The following MCTP2 variants were observed in gnomAD, a reference collection of about 807,000 sequenced individuals.
MCTP2 encodes multiple C2 and transmembrane domain-containing protein 2.
MCTP2 carries 132 observed loss-of-function variants against 111.6 expected under a neutral mutation model. The observed-to-expected ratio is 1.18, with a 90% CI of 1.03 to 1.37. MCTP2 has a LOEUF of 1.37. Among genes scored for constraint, MCTP2 ranks in the 40% most tolerant of loss-of-function variants. The pLI is 0.00. For synonymous variants in MCTP2, 395 were observed against 387.7 expected (o/e 1.02, Z -0.22); for missense variants, 1,183 against 1,067.9 (o/e 1.11, Z -1.50).
At chr15:94,365,893 C>G (rs897233728) in intron 10 of MCTP2, among the ~76,000 whole-genome samples, 5 of 152,128 alleles carry the variant, frequency 3.3e-5, no homozygotes, top group African/African-American at 1.2e-4. Flanking sequence ...GAGAAAACTT[C>G]TACAAATTTG....
chr15:94,437,040 A>G (rs896728557), intron 17 of MCTP2, among the ~76,000 whole-genome samples: 1 of 151,712 alleles, frequency 6.6e-6, no homozygotes, highest in Non-Finnish European at 1.5e-5. Flanking sequence ...ATTTGACATT[A>G]TAAAACTTTA....
chr15:94,242,152 C>A (rs1421136626), intron 1 of MCTP2, among the ~76,000 whole-genome samples: 1 of 152,096 alleles, frequency 6.6e-6, no homozygotes, highest in Non-Finnish European at 1.5e-5. Context: ...TATGCTATGG[C>A]TCCCTCAAAC....
intron 7 of MCTP2, chr15:94,341,319 A>T (rs1333795155): frequency 5.9e-6 from 1 of 168,178 alleles, no homozygotes; most frequent in African/African-American, 2.4e-5. Flanking sequence ...TGTCTGTAAC[A>T]TCAGTGAAGC....
chr15:94,377,343 C>G (rs2079833647), intron 12 of MCTP2, among the ~76,000 whole-genome samples: 1 of 152,174 alleles, frequency 6.6e-6, no homozygotes, highest in African/African-American at 2.4e-5. Context: ...TCATGGATAG[C>G]TAAGCCCAAA....
At chr15:94,471,830 T>C (rs2073958074) in intron 21 of MCTP2, among the ~76,000 whole-genome samples, 1 of 152,224 alleles carries the variant, frequency 6.6e-6, no homozygotes, top group South Asian at 2.1e-4. Flanking sequence ...CTGGTTATCT[T>C]ATTTTTCAAT....
At chr15:94,391,051 G>T (rs67648374) in intron 14 of MCTP2, among the ~76,000 whole-genome samples, 23,576 of 151,846 alleles carry the variant, frequency 0.16, 2,258 homozygotes, top group African/African-American at 0.25. Flanking sequence ...TTTTGAATCA[G>T]ATGTGAGTCC....
chr15:94,380,473 C>T (rs1298336224), intron 12 of MCTP2, among the ~76,000 whole-genome samples: 1 of 152,004 alleles, frequency 6.6e-6, no homozygotes, highest in Admixed American at 6.6e-5. Flanking sequence ...GCTTAATAAA[C>T]GGTTATCAAA....
At chr15:94,433,588 A>T (rs1004176693) in intron 17 of MCTP2, among the ~76,000 whole-genome samples, 1 of 152,190 alleles carries the variant, frequency 6.6e-6, no homozygotes, top group African/African-American at 2.4e-5. Flanking sequence ...ACATTTGTGG[A>T]CAAGACTTTT....
intron 10 of MCTP2, among the ~76,000 whole-genome samples, chr15:94,361,782 T>A (rs74030838): frequency 0.012 from 1,839 of 152,262 alleles, 46 homozygotes; most frequent in African/African-American, 0.042. Context: ...AGGAGGGGCA[T>A]CCATTGATGG....
chr15:94,418,664 G>A (rs2082483151), intron 17 of MCTP2, among the ~76,000 whole-genome samples: 1 of 151,970 alleles, frequency 6.6e-6, no homozygotes. Context: ...GATTTTTATT[G>A]GGGCATAGGT....
intron 1 of MCTP2, among the ~76,000 whole-genome samples, chr15:94,284,130 A>G (rs2074634798): frequency 6.6e-6 from 1 of 152,160 alleles, no homozygotes; most frequent in African/African-American, 2.4e-5. Context: ...ACAAACCAAT[A>G]ATTCTACTCT....
intron 3 of MCTP2, 114 bp from the exon 4 acceptor site, chr15:94,315,415 A>T: frequency 1.5e-6 from 1 of 674,126 alleles, no homozygotes; most frequent in South Asian, 1.9e-5. Context: ...TGGGGATGAC[A>T]GTCGATCATC....
intron 17 of MCTP2, among the ~76,000 whole-genome samples, chr15:94,430,301 C>G (rs1239659138): frequency 6.6e-6 from 1 of 151,856 alleles, no homozygotes; most frequent in East Asian, 1.9e-4. Context: ...TTTTTCACTT[C>G]TCTTTCCAAT....
intron 14 of MCTP2, among the ~76,000 whole-genome samples, chr15:94,388,262 C>A (rs1332980733): frequency 6.6e-6 from 1 of 152,176 alleles, no homozygotes; most frequent in Non-Finnish European, 1.5e-5. Context: ...CTGGGCCATT[C>A]CTTTCAGGGA....
chr15:94,239,550 G>A (rs777701166), intron 1 of MCTP2, among the ~76,000 whole-genome samples: 12 of 152,152 alleles, frequency 7.9e-5, no homozygotes, highest in Non-Finnish European at 1.3e-4. Flanking sequence ...ACTTACATGA[G>A]CTCCCTCCCC....
At chr15:94,419,662 C>T (rs1291994855) in intron 17 of MCTP2, among the ~76,000 whole-genome samples, 1 of 152,084 alleles carries the variant, frequency 6.6e-6, no homozygotes, top group Non-Finnish European at 1.5e-5. Flanking sequence ...AATAGCCTTT[C>T]ATAGTTGCCC....
rs1158528973 is a variant in MCTP2, at chr15:94,458,014, G to A, written c.2251-123G>A. ...GTCAATATTTAAGTTGTAAAACAAT[G>A]ATTTATCTCTTGTGTCACTCTATTG... On this transcript the variant is annotated intron_variant, in intron 19 of 22. Coordinates refer to ENST00000357742, the MANE Select transcript of MCTP2 (RefSeq NM_001385001.1). 5 of 606,784 alleles carry A rather than the reference G, an allele frequency of 8.2e-6. No homozygotes were observed. In the East Asian group the frequency reaches 1.1e-4, roughly 14 times the overall value. The allele number at this position is 606,784 out of a possible 1,614,324, so 37.6% of individuals were successfully genotyped here. A position where few individuals can be genotyped will look rare whatever the true frequency, so the allele number is the denominator to read the frequency against.
At chr15:94,408,898 C>T (rs113871172) in intron 17 of MCTP2, among the ~76,000 whole-genome samples, 9 of 151,520 alleles carry the variant, frequency 5.9e-5, no homozygotes, top group Non-Finnish European at 2.9e-5. Context: ...TGTGTAGGTC[C>T]AGGCTCTGCG....
At chr15:94,242,724 A>C (rs1343187651) in intron 1 of MCTP2, among the ~76,000 whole-genome samples, 1 of 151,568 alleles carries the variant, frequency 6.6e-6, no homozygotes, top group African/African-American at 2.4e-5. Flanking sequence ...CATTTTAAAG[A>C]TGTTTTTCCC....
Sources: gnomAD v4.1 joint callset for allele counts (sites outside exome capture counted in the v4.1 genomes callset) on GRCh38, gnomAD v4.1.1 for gene constraint, MANE v1.5 for transcripts, NCBI Gene and HGNC (gene_info 2026-07-23, HGNC 2026-07-21) for gene names.